Variants in EVI5 observed in about 807,000 individuals in gnomAD.
EVI5 encodes ecotropic viral integration site 5 protein homolog.
Under a neutral mutation model 112.0 loss-of-function variants are expected in EVI5, and 73 were observed. The observed-to-expected ratio is 0.65, with a 90% confidence interval of 0.54 to 0.79. EVI5 has a LOEUF of 0.79. Among genes scored for constraint, EVI5 ranks in the 30% least tolerant of loss-of-function variants. The pLI is 0.00. For missense variants in EVI5, 900 were observed against 968.8 expected (o/e 0.93, Z 0.94); for synonymous variants, 305 against 319.9 (o/e 0.95, Z 0.50).
intron 18 of EVI5, among the ~76,000 whole-genome samples, chr1:92,576,510 G>T (rs911552192): frequency 1.3e-5 from 2 of 151,862 alleles, no homozygotes; most frequent in Admixed American, 6.6e-5. Flanking sequence ...TTATTAAGAA[G>T]AATATTGATA....
intron 18 of EVI5, among the ~76,000 whole-genome samples, chr1:92,573,214 AC>A (rs1670572739): frequency 6.8e-6 from 1 of 147,594 alleles, no homozygotes; most frequent in African/African-American, 2.4e-5. Context: ...AAGGAAACTC[AC>A]CCCGACCTCC....
intron 2 of EVI5, among the ~76,000 whole-genome samples, chr1:92,723,425 T>C (rs1157452854): frequency 2.0e-5 from 3 of 152,232 alleles, no homozygotes; most frequent in South Asian, 4.1e-4. Context: ...CATTTATCAG[T>C]TCCCAAAATT....
intron 19 of EVI5, among the ~76,000 whole-genome samples, chr1:92,520,192 A>T (rs1660659931): frequency 6.6e-6 from 1 of 152,136 alleles, no homozygotes; most frequent in African/African-American, 2.4e-5. Context: ...TATCTTAATA[A>T]AGCTTTTTTT....
intron 1 of EVI5, among the ~76,000 whole-genome samples, chr1:92,759,183 G>A (rs573512468): frequency 5.5e-4 from 83 of 152,182 alleles, no homozygotes; most frequent in Middle Eastern, 3.4e-3. Flanking sequence ...AGATCATGCC[G>A]CTGTACTCCA....
At chr1:92,727,463 G>A (rs1304635719) in intron 2 of EVI5, among the ~76,000 whole-genome samples, 7 of 152,028 alleles carry the variant, frequency 4.6e-5, no homozygotes, top group African/African-American at 1.7e-4. Flanking sequence ...ATGCTTTAAG[G>A]TATTTCAACT....
intron 13 of EVI5, among the ~76,000 whole-genome samples, chr1:92,660,131 T>C (rs925634295): frequency 3.3e-5 from 5 of 151,976 alleles, no homozygotes; most frequent in African/African-American, 9.6e-5. Flanking sequence ...ATACAATATA[T>C]ACTATTCAGC....
chr1:92,726,700 TTGAC>T (rs1345669655), intron 2 of EVI5, among the ~76,000 whole-genome samples: 1 of 152,166 alleles, frequency 6.6e-6, no homozygotes, highest in Non-Finnish European at 1.5e-5. Flanking sequence ...TTAAAGATAA[TTGAC>T]TGTTGAGTTA....
intron 9 of EVI5, among the ~76,000 whole-genome samples, chr1:92,683,741 C>G (rs1667991697): frequency 6.6e-6 from 1 of 152,076 alleles, no homozygotes; most frequent in Admixed American, 6.6e-5. Flanking sequence ...AAAACCATGG[C>G]ACAAGAACTT....
chr1:92,604,505 A>C (rs1249263397), intron 18 of EVI5, among the ~76,000 whole-genome samples: 1 of 152,184 alleles, frequency 6.6e-6, no homozygotes, highest in East Asian at 1.9e-4. Flanking sequence ...TGAAGCTGTC[A>C]TCTCCTATGA....
chr1:92,665,624 A>AT (rs1345548033), intron 11 of EVI5, among the ~76,000 whole-genome samples: 4 of 152,212 alleles, frequency 2.6e-5, no homozygotes, highest in Non-Finnish European at 5.9e-5. Context: ...TTAAAATGCT[A>AT]TATCAGAATG....
chr1:92,780,490 C>T (rs571504945), intron 1 of EVI5, among the ~76,000 whole-genome samples: 3 of 152,216 alleles, frequency 2.0e-5, no homozygotes, highest in Admixed American at 6.5e-5. Context: ...TATATTACCA[C>T]ATATCAAAGC....
At chr1:92,670,667 C>T (rs1239806118) in intron 10 of EVI5, among the ~76,000 whole-genome samples, 5 of 152,096 alleles carry the variant, frequency 3.3e-5, no homozygotes, top group African/African-American at 9.7e-5. Flanking sequence ...TAATAATGTC[C>T]TTCTTCTATC....
intron 13 of EVI5, among the ~76,000 whole-genome samples, chr1:92,639,778 C>A (rs1659584645): frequency 6.6e-6 from 1 of 152,146 alleles, no homozygotes; most frequent in Non-Finnish European, 1.5e-5. Context: ...CTTTAAATTT[C>A]ATATGGAACC....
chr1:92,653,210 C>A (rs548418319), intron 13 of EVI5, among the ~76,000 whole-genome samples: 1 of 152,330 alleles, frequency 6.6e-6, no homozygotes, highest in East Asian at 1.9e-4. Context: ...ATCACCAGAG[C>A]CCCATAGACA....
chr1:92,621,752 A>G (rs1654645932), intron 16 of EVI5, among the ~76,000 whole-genome samples: 1 of 152,234 alleles, frequency 6.6e-6, no homozygotes, highest in East Asian at 1.9e-4. Flanking sequence ...GTACCCATCT[A>G]TATGTTGTTT....
intron 13 of EVI5, among the ~76,000 whole-genome samples, chr1:92,645,459 T>C (rs1438933368): frequency 6.6e-6 from 1 of 151,608 alleles, no homozygotes; most frequent in African/African-American, 2.4e-5. Context: ...TGGGGGAAAG[T>C]CACTGTCATT....
chr1:92,569,679 C>T (rs929107857), intron 18 of EVI5, among the ~76,000 whole-genome samples: 15 of 151,748 alleles, frequency 9.9e-5, no homozygotes, highest in African/African-American at 2.9e-4. Context: ...CATGGTGAAA[C>T]GCTGTCTCTA....
intron 19 of EVI5, among the ~76,000 whole-genome samples, chr1:92,553,297 ATTTTTTTTTTTTTT>A (rs147973775): frequency 1.3e-5 from 1 of 74,214 alleles, no homozygotes; most frequent in Non-Finnish European, 2.4e-5. Context: ...CACCTGGCCA[ATTTTTTTTTTTTTT>A]TTTTTTTTTG....
chr1:92,689,075 A>G (rs140654944), intron 9 of EVI5, among the ~76,000 whole-genome samples: 2 of 152,352 alleles, frequency 1.3e-5, no homozygotes, highest in African/African-American at 4.8e-5. Flanking sequence ...CATGAGGCCA[A>G]TAAACATATG....
Sources: gnomAD v4.1 joint callset for allele counts (sites outside exome capture counted in the v4.1 genomes callset) on GRCh38, gnomAD v4.1.1 for gene constraint, MANE v1.5 for transcripts, NCBI Gene and HGNC (gene_info 2026-07-23, HGNC 2026-07-21) for gene names.